The following PIP5K1A variants were observed in gnomAD, a reference collection of about 807,000 sequenced individuals.
PIP5K1A encodes the protein phosphatidylinositol-4-phosphate 5-kinase type 1 alpha, also known as phosphatidylinositol 4-phosphate 5-kinase type-1 alpha.
Under a neutral mutation model 72.9 loss-of-function variants are expected in PIP5K1A, and 46 were observed. The ratio of observed to expected loss-of-function variants is 0.63; its 90% confidence interval spans 0.50 to 0.81. The LOEUF (loss-of-function observed/expected upper bound fraction) is 0.81, where lower values mean the gene tolerates loss of function less well. PIP5K1A is among the 30% of genes least tolerant of loss of function. The pLI is 0.00. For missense variants in PIP5K1A, 458 were observed against 706.1 expected (o/e 0.65, Z 3.98); for synonymous variants, 228 against 255.1 (o/e 0.89, Z 1.01).
upstream of PIP5K1A, among the ~76,000 whole-genome samples, chr1:151,196,165 G>A (rs879612592): frequency 5.3e-5 from 8 of 152,030 alleles, no homozygotes; most frequent in Non-Finnish European, 1.0e-4. Context: ...CCAAAGTGCT[G>A]GGATTACAGG....
Position 151,244,197 on chromosome 1 carries a change from C to A in PIP5K1A, c.1640+1630C>A, listed in dbSNP as rs199913466. On this transcript the variant is annotated intron_variant, in intron 14 of 15. Transcript: ENST00000368888. ...AAATACTGAAAAAAAAAAAAAAAGT[C>A]GTGAAAATGTTATGTTGTTGCTGAT... Among the ~76,000 whole-genome samples the A allele has an allele frequency of 8.4e-3, 1,230 of 146,428 alleles. 13 individuals carry two copies. The highest frequency in any genetic ancestry group is 0.018 in the Middle Eastern group (5 of 272).
chr1:151,205,619 G>A (rs934425841), intron 1 of PIP5K1A, among the ~76,000 whole-genome samples: 6 of 151,824 alleles, frequency 4.0e-5, no homozygotes, highest in East Asian at 3.9e-4. Context: ...CCAGCCTGGC[G>A]AAACCCTGTC....
chr1:151,226,749 G>A (rs958184661), intron 3 of PIP5K1A, among the ~76,000 whole-genome samples: 1 of 148,900 alleles, frequency 6.7e-6, no homozygotes, highest in Non-Finnish European at 1.5e-5. Flanking sequence ...TTTTCTGGCC[G>A]GGCATGGTGG....
rs142170621 is a variant in PIP5K1A at position 151,231,050 on chromosome 1, A to G, written c.238-621A>G. ...GTGAAACCCCATCTGTACTAAAAATATAAAGAATAAGCAAGGTGTCGTGGT... is the reference window on the plus strand; with the variant it reads ...GTGAAACCCCATCTGTACTAAAAATGTAAAGAATAAGCAAGGTGTCGTGGT... On this transcript the variant is annotated intron_variant, in intron 4 of 15. Coordinates refer to ENST00000368888, the MANE Select transcript of PIP5K1A (RefSeq NM_001135638.2). Among the ~76,000 whole-genome samples the G allele has an allele frequency of 1.5e-3, 233 of 152,252 alleles. 1 individual carries two copies. The highest frequency in any genetic ancestry group is 5.4e-3 in the African/African-American group (226 of 41,562).
intron 3 of PIP5K1A, among the ~76,000 whole-genome samples, chr1:151,225,544 A>G (rs1009919666): frequency 6.0e-5 from 9 of 149,474 alleles, no homozygotes; most frequent in Admixed American, 2.0e-4. Flanking sequence ...ATCTTGGCTC[A>G]CTATGTCCTC....
In PIP5K1A at chr1:151,203,772, T is replaced by C. The variant is rs1171459474; in HGVS notation, c.85+4691T>C. Among the ~76,000 whole-genome samples, 9 of 149,094 alleles carry C rather than the reference T, an allele frequency of 6.0e-5. No individual in the cohort carries two copies. In the East Asian group the frequency reaches 1.8e-3, roughly 29 times the overall value. On this transcript the variant is annotated intron_variant, in intron 1 of 15. Coordinates refer to ENST00000368888, the MANE Select transcript of PIP5K1A (RefSeq NM_001135638.2). ...CCAGGAGGCGCGGGTTGCAGTGAGC[T>C]GAGATCACGCCACTGTACTCCATCC... is the stretch of plus-strand genomic sequence containing the variant.
At chr1:151,230,432 GCT>G (rs1689875405) in intron 4 of PIP5K1A, among the ~76,000 whole-genome samples, 1 of 152,216 alleles carries the variant, frequency 6.6e-6, no homozygotes, top group African/African-American at 2.4e-5. Flanking sequence ...TAAGAGTGGG[GCT>G]CTTGTATTTG....
intron 1 of PIP5K1A, among the ~76,000 whole-genome samples, chr1:151,205,200 C>T (rs75769983): frequency 0.017 from 2,561 of 152,202 alleles, 70 homozygotes; most frequent in African/African-American, 0.058. Flanking sequence ...GAGTCTTGCT[C>T]TGTCGCCCAG....
chr1:151,243,098 C>G (rs1692000155), intron 14 of PIP5K1A, among the ~76,000 whole-genome samples: 1 of 152,174 alleles, frequency 6.6e-6, no homozygotes, highest in Non-Finnish European at 1.5e-5. Flanking sequence ...AAATGCAGCC[C>G]ACACTCAAGA....
intron 14 of PIP5K1A, among the ~76,000 whole-genome samples, chr1:151,244,499 CA>C (rs957001763): frequency 1.3e-5 from 2 of 151,810 alleles, no homozygotes; most frequent in East Asian, 1.9e-4. Flanking sequence ...ACCAAAAATA[CA>C]AAAAAATTAG....
At position 151,232,719 on chromosome 1, in the gene PIP5K1A, G is replaced by A. The variant is rs761127267; in HGVS notation, c.639+16G>A. On this transcript the variant is annotated intron_variant, in intron 7 of 15. Coordinates refer to ENST00000368888, the MANE Select transcript of PIP5K1A (RefSeq NM_001135638.2). ...ATACTACATGGTAAGGGAGAGAGAA[G>A]CACTGTCCACCTGTGCTGCTCACTT... 1 of 1,611,032 alleles carries A rather than the reference G, an allele frequency of 6.2e-7. No homozygotes were observed. The highest frequency in any genetic ancestry group is 8.5e-7 in the Non-Finnish European group (1 of 1,178,278).
intron 8 of PIP5K1A, among the ~76,000 whole-genome samples, chr1:151,236,119 C>CAA (rs377141308): frequency 6.0e-4 from 39 of 64,760 alleles, no homozygotes; most frequent in Non-Finnish European, 8.4e-4. Flanking sequence ...GACTCCGTCT[C>CAA]AAAAAAAAAA....
intron 1 of PIP5K1A, among the ~76,000 whole-genome samples, chr1:151,203,304 G>C (rs1475041069): frequency 4.6e-5 from 7 of 151,928 alleles, no homozygotes; most frequent in African/African-American, 1.7e-4. Context: ...CAAGGCAGGC[G>C]GATCACCTGA....
intron 3 of PIP5K1A, among the ~76,000 whole-genome samples, chr1:151,226,005 C>T (rs1429201980): frequency 6.6e-6 from 1 of 151,786 alleles, no homozygotes; most frequent in African/African-American, 2.4e-5. Flanking sequence ...TCTCAAACTC[C>T]TAGGCTCAAG....
At chr1:151,246,423 A>G (rs935521024) in intron 14 of PIP5K1A, among the ~76,000 whole-genome samples, 5 of 151,936 alleles carry the variant, frequency 3.3e-5, no homozygotes, top group Admixed American at 6.6e-5. Context: ...ACATCGCCCT[A>G]TCCATAGCCA....
intron 1 of PIP5K1A, among the ~76,000 whole-genome samples, chr1:151,207,354 C>T (rs1045311543): frequency 2.6e-5 from 4 of 152,014 alleles, no homozygotes; most frequent in Non-Finnish European, 5.9e-5. Context: ...TTTCAAAGAA[C>T]GTTTTTGTGC....
At chr1:151,229,323 G>A (rs1006522393) in intron 4 of PIP5K1A, among the ~76,000 whole-genome samples, 4 of 151,116 alleles carry the variant, frequency 2.6e-5, no homozygotes, top group South Asian at 4.2e-4. Flanking sequence ...AAGTAACTGG[G>A]ACTACAGGCC....
chr1:151,202,517 G>T (rs1045721149), intron 1 of PIP5K1A, among the ~76,000 whole-genome samples: 11 of 152,302 alleles, frequency 7.2e-5, no homozygotes, highest in African/African-American at 2.4e-4. Flanking sequence ...TTGTCACCCA[G>T]GCTGGAGTGC....
chr1:151,244,805 T>A (rs1225542401), intron 14 of PIP5K1A, among the ~76,000 whole-genome samples: 1 of 152,222 alleles, frequency 6.6e-6, no homozygotes, highest in Non-Finnish European at 1.5e-5. Flanking sequence ...TATTGAGGGA[T>A]GACTATACTC....
Sources: allele counts gnomAD v4.1 joint callset (sites outside exome capture counted in the v4.1 genomes callset), GRCh38; gene constraint gnomAD v4.1.1; transcripts MANE v1.5; gene names NCBI Gene and HGNC (gene_info 2026-07-23, HGNC 2026-07-21).